The following FOXP2 variants were observed in gnomAD, a reference collection of about 807,000 sequenced individuals.
FOXP2 encodes forkhead box P2.
FOXP2 carries 12 observed loss-of-function variants against 115.8 expected under a neutral mutation model. That is an observed-to-expected ratio of 0.10 (90% CI 0.07 to 0.17). FOXP2 has a LOEUF of 0.17. FOXP2 is among the 10% of genes least tolerant of loss of function. FOXP2 has a pLI of 1.00. For synonymous variants in FOXP2, 328 were observed against 297.7 expected, an observed-to-expected ratio of 1.10 and a Z score of -1.05; for missense variants, 629 against 843.5, an observed-to-expected ratio of 0.75 and a Z score of 3.15.
intron 2 of FOXP2, among the ~76,000 whole-genome samples, chr7:114,465,206 C>G (rs1323702715): frequency 2.6e-5 from 4 of 152,120 alleles, no homozygotes; most frequent in African/African-American, 9.7e-5. Context: ...GTCAAGCAAT[C>G]CTCCCTCCTC....
intron 2 of FOXP2, among the ~76,000 whole-genome samples, chr7:114,321,441 G>A (rs1334369706): frequency 6.6e-6 from 1 of 151,960 alleles, no homozygotes; most frequent in Admixed American, 6.6e-5. Context: ...CTCGTGGTCT[G>A]CCTGCCTCAG....
intron 2 of FOXP2, among the ~76,000 whole-genome samples, chr7:114,457,636 C>T (rs994992466): frequency 3.3e-5 from 5 of 152,116 alleles, no homozygotes; most frequent in East Asian, 1.9e-4. Flanking sequence ...CAGTGGCTCA[C>T]GCCTGTAATC....
chr7:114,684,632 T>G (rs1357348342), intron 16 of FOXP2, among the ~76,000 whole-genome samples: 1 of 152,228 alleles, frequency 6.6e-6, no homozygotes, highest in East Asian at 1.9e-4. Flanking sequence ...GAGTTTATTC[T>G]AATTATTTCC....
chr7:114,109,345 T>C (rs1009470847), intron 1 of FOXP2, among the ~76,000 whole-genome samples: 1 of 152,092 alleles, frequency 6.6e-6, no homozygotes, highest in Admixed American at 6.6e-5. Flanking sequence ...TCATCTTTAA[T>C]GTCATGCATT....
chr7:114,257,451 CTTTT>C (rs35852445), intron 1 of FOXP2, among the ~76,000 whole-genome samples: 15 of 92,144 alleles, frequency 1.6e-4, no homozygotes, highest in African/African-American at 4.0e-4. Context: ...TCTTTTCTTT[CTTTT>C]TTTTTTTTTT....
At chr7:114,240,431 G>A (rs190866757) in intron 1 of FOXP2, among the ~76,000 whole-genome samples, 113 of 152,082 alleles carry the variant, frequency 7.4e-4, no homozygotes, top group African/African-American at 2.7e-3. Flanking sequence ...CAAAATGTGG[G>A]TAGAAACTAT....
At chr7:114,522,023 C>A (rs958195503) in intron 2 of FOXP2, among the ~76,000 whole-genome samples, 1 of 152,104 alleles carries the variant, frequency 6.6e-6, no homozygotes, top group African/African-American at 2.4e-5. Context: ...GACTAGGTGC[C>A]AGCTACTATG....
intron 2 of FOXP2, among the ~76,000 whole-genome samples, chr7:114,444,888 G>T (rs1187682740): frequency 7.2e-6 from 1 of 139,702 alleles, no homozygotes; most frequent in African/African-American, 2.5e-5. Flanking sequence ...AACCAAGCTA[G>T]GGGTAACTTT....
upstream of FOXP2, among the ~76,000 whole-genome samples, chr7:114,160,046 G>A (rs972560517): frequency 6.6e-6 from 1 of 152,122 alleles, no homozygotes; most frequent in African/African-American, 2.4e-5. Flanking sequence ...CTGGTACGGG[G>A]CAGGACTTTC....
chr7:114,336,397 A>T (rs1021934935), intron 2 of FOXP2, among the ~76,000 whole-genome samples: 5 of 151,598 alleles, frequency 3.3e-5, no homozygotes, highest in Admixed American at 2.6e-4. Flanking sequence ...ACCTTTAATC[A>T]CAGTGGAGAT....
intron 1 of FOXP2, among the ~76,000 whole-genome samples, chr7:114,121,326 C>A (rs116307726): frequency 3.1e-4 from 47 of 152,222 alleles, no homozygotes; most frequent in African/African-American, 1.0e-3. Flanking sequence ...TTCCCCTGAT[C>A]TCAGACTTCC....
intron 2 of FOXP2, among the ~76,000 whole-genome samples, chr7:114,360,473 C>A (rs2129187458): frequency 6.6e-6 from 1 of 152,204 alleles, no homozygotes; most frequent in South Asian, 2.1e-4. Context: ...TGAGGAAAAC[C>A]TGATTTGGAA....
rs1463982174 is a variant in FOXP2, at chr7:114,275,605, A to G, written c.-101-12414A>G. ...TTATTGGGTACTGTCTTCTTTATCCATTAGAGCGCTTAGCACATTAACCAT... is the reference window on the plus strand; with the variant it reads ...TTATTGGGTACTGTCTTCTTTATCCGTTAGAGCGCTTAGCACATTAACCAT... On this transcript the variant is annotated intron_variant, in intron 1 of 17. Transcript: ENST00000634411. 3.3e-5 allele frequency among the ~76,000 whole-genome samples: 5 copies of G among 152,200 alleles called. No individual in the cohort carries two copies. The South Asian group carries it at 6.2e-4, about 19-fold the overall frequency.
chr7:114,427,879 T>G (rs1319752465), intron 2 of FOXP2, among the ~76,000 whole-genome samples: 1 of 151,636 alleles, frequency 6.6e-6, no homozygotes, highest in Non-Finnish European at 1.5e-5. Flanking sequence ...TTTGAATGGT[T>G]TATCTATTAT....
chr7:114,473,535 A>C (rs555762206), intron 2 of FOXP2, among the ~76,000 whole-genome samples: 1 of 152,326 alleles, frequency 6.6e-6, no homozygotes, highest in South Asian at 2.1e-4. Flanking sequence ...CTTCTTCTAG[A>C]ACACAGGCCC....
At chr7:114,149,036 G>A (rs565999647) in intron 1 of FOXP2, among the ~76,000 whole-genome samples, 5 of 152,162 alleles carry the variant, frequency 3.3e-5, no homozygotes, top group East Asian at 1.9e-4. Context: ...TTGTTAGTGC[G>A]GAACATAGCC....
chr7:114,201,163 A>G (rs767635324), intron 1 of FOXP2, among the ~76,000 whole-genome samples: 1 of 151,946 alleles, frequency 6.6e-6, no homozygotes, highest in Non-Finnish European at 1.5e-5. Context: ...TCTCAAAAAT[A>G]AATAAATAAA....
At chr7:114,449,944 T>G (rs991675621) in intron 2 of FOXP2, among the ~76,000 whole-genome samples, 9 of 152,118 alleles carry the variant, frequency 5.9e-5, no homozygotes, top group Non-Finnish European at 8.8e-5. Flanking sequence ...ACAGTTCACT[T>G]TATAATCATA....
chr7:114,540,632 A>G (rs1454566433), intron 3 of FOXP2, among the ~76,000 whole-genome samples: 1 of 152,088 alleles, frequency 6.6e-6, no homozygotes, highest in African/African-American at 2.4e-5. Context: ...ATAAGCATTT[A>G]AAAAAGAAAA....
Sources: gnomAD v4.1 joint callset for allele counts (sites outside exome capture counted in the v4.1 genomes callset) on GRCh38, gnomAD v4.1.1 for gene constraint, MANE v1.5 for transcripts, NCBI Gene and HGNC (gene_info 2026-07-23, HGNC 2026-07-21) for gene names.